The following NRXN3 variants were observed in gnomAD, a reference collection of about 807,000 sequenced individuals.
NRXN3 encodes neurexin 3, also known as neurexin III.
Under a neutral mutation model 137.6 loss-of-function variants are expected in NRXN3, and 32 were observed. The observed-to-expected ratio is 0.23, with a 90% CI of 0.18 to 0.31. NRXN3 has a LOEUF of 0.31. Among genes scored for constraint, NRXN3 ranks in the 10% least tolerant of loss-of-function variants. The pLI is 1.00. For missense variants in NRXN3, 1,574 were observed against 2,062.5 expected (o/e 0.76, Z 4.59); for synonymous variants, 798 against 784.5 (o/e 1.02, Z -0.29).
intron 15 of NRXN3, among the ~76,000 whole-genome samples, chr14:79,020,825 T>G (rs1251692800): frequency 2.6e-5 from 4 of 151,574 alleles, no homozygotes; most frequent in Admixed American, 2.6e-4. Context: ...TGAACCAATC[T>G]CTGTTTATGA....
intron 4 of NRXN3, among the ~76,000 whole-genome samples, chr14:78,497,582 TCATCCATCCATCCATCCATCCATCCATC>T (rs3036594): frequency 6.6e-6 from 1 of 150,792 alleles, no homozygotes; most frequent in Non-Finnish European, 1.5e-5. Flanking sequence ...GTCTGTCCAT[TCATCCATCCATCCATCCATCCATCCATC>T]CATCCATCCA....
intron 4 of NRXN3, among the ~76,000 whole-genome samples, chr14:78,359,823 C>T (rs1386372898): frequency 2.0e-5 from 3 of 152,108 alleles, no homozygotes; most frequent in South Asian, 2.1e-4. Flanking sequence ...TCTATCTAGG[C>T]GGGTCTCTCT....
At chr14:78,544,532 A>G (rs1472848981) in intron 4 of NRXN3, among the ~76,000 whole-genome samples, 1 of 152,218 alleles carries the variant, frequency 6.6e-6, no homozygotes, top group African/African-American at 2.4e-5. Flanking sequence ...GGGCTATTTT[A>G]TTCAATTCCC....
chr14:78,235,350 A>G (rs1225728947), intron 1 of NRXN3, among the ~76,000 whole-genome samples: 1 of 152,064 alleles, frequency 6.6e-6, no homozygotes, highest in African/African-American at 2.4e-5. Context: ...AGATGAGATC[A>G]GGCCTGACCT....
At chr14:78,437,035 C>T (rs1469594126) in intron 4 of NRXN3, among the ~76,000 whole-genome samples, 1 of 152,188 alleles carries the variant, frequency 6.6e-6, no homozygotes, top group African/African-American at 2.4e-5. Flanking sequence ...CCTTTCTATG[C>T]CTCAGTTTCC....
At chr14:78,953,196 A>T (rs756241528) in intron 10 of NRXN3, among the ~76,000 whole-genome samples, 13 of 152,102 alleles carry the variant, frequency 8.5e-5, no homozygotes, top group Non-Finnish European at 1.5e-4. Context: ...GATTTTTAAC[A>T]TACACTCTGA....
Position 78,243,921 on chromosome 14 carries a change from C to T in NRXN3, c.709+119C>T. 1.4e-6 allele frequency: 1 copy of T among 737,376 alleles called. No individual in the cohort carries two copies. Among genetic ancestry groups the T allele is most frequent in the African/African-American group, 1.8e-5 (1 of 57,016 alleles). The allele number at this position is 737,376 out of a possible 1,614,324, so 45.7% of individuals were successfully genotyped here. A position where few individuals can be genotyped will look rare whatever the true frequency, so the allele number is the denominator to read the frequency against. On this transcript the variant is annotated intron_variant, in intron 2 of 20. Coordinates refer to ENST00000335750, the MANE Select transcript of NRXN3 (RefSeq NM_001330195.2). This position sits in a 1 kb window ranked among gnomAD's most constrained non-coding sequence, Gnocchi z 4.2. ...TTTAGCTGCATGTTAGATCACTGGG[C>T]CCCTTGCCCTAAGGAGGCAGTGGAA...
chr14:78,789,572 T>C (rs1313291974), intron 8 of NRXN3, among the ~76,000 whole-genome samples: 1 of 152,178 alleles, frequency 6.6e-6, no homozygotes, highest in African/African-American at 2.4e-5. Flanking sequence ...CTCCTGAACC[T>C]TGAATTTTCT....
rs528214567 is a variant in NRXN3, at chr14:79,384,103, C to T, written c.3263-83118C>T. Among the ~76,000 whole-genome samples the T allele has an allele frequency of 2.7e-4, 41 of 152,310 alleles. 1 individual carries two copies. The highest frequency in any genetic ancestry group is 8.2e-4 in the African/African-American group (34 of 41,576). ...GCCAGAAATTGTCAGGCACCTCCCC[C>T]ACTCCCACTTCTTATTTCTATGTGG... is the stretch of plus-strand genomic sequence containing the variant. On this transcript the variant is annotated intron_variant, in intron 15 of 20. Transcript: ENST00000335750.
chr14:78,439,061 G>C (rs2094159957), intron 4 of NRXN3, among the ~76,000 whole-genome samples: 2 of 152,120 alleles, frequency 1.3e-5, no homozygotes, highest in Non-Finnish European at 2.9e-5. Flanking sequence ...ACTTGCTTGA[G>C]GGGGAGACAT....
intron 15 of NRXN3, among the ~76,000 whole-genome samples, chr14:79,188,411 A>G (rs1297899714): frequency 1.3e-5 from 2 of 151,494 alleles, no homozygotes; most frequent in East Asian, 1.9e-4. Flanking sequence ...TTTTTTTAGA[A>G]TATACTGGAA....
intron 16 of NRXN3, among the ~76,000 whole-genome samples, chr14:79,531,239 C>A (rs576970697): frequency 1.3e-5 from 2 of 152,216 alleles, no homozygotes; most frequent in African/African-American, 4.8e-5. Context: ...ACAGATATGA[C>A]TGCCCCATGT....
intron 15 of NRXN3, among the ~76,000 whole-genome samples, chr14:79,147,913 C>T (rs1010477320): frequency 1.3e-5 from 2 of 152,084 alleles, no homozygotes; most frequent in South Asian, 2.1e-4. Flanking sequence ...CTTGCCACTG[C>T]GCTGAAAATG....
intron 19 of NRXN3, among the ~76,000 whole-genome samples, chr14:79,790,980 A>C (rs1214606641): frequency 6.6e-6 from 1 of 152,142 alleles, no homozygotes; most frequent in African/African-American, 2.4e-5. Context: ...ACCAGATCTC[A>C]TGTGAACTCA....
At chr14:78,988,245 T>C (rs1184177373) in intron 15 of NRXN3, 104 bp downstream of exon 15, 1 of 1,383,246 alleles carries the variant, frequency 7.2e-7, no homozygotes, top group Non-Finnish European at 1.0e-6. Context: ...GAAAGATTCA[T>C]AAGTAATTCT....
intron 8 of NRXN3, among the ~76,000 whole-genome samples, chr14:78,755,232 GC>G (rs531275480): frequency 6.9e-6 from 1 of 144,194 alleles, no homozygotes; most frequent in East Asian, 2.0e-4. Flanking sequence ...TTGCTATGTC[GC>G]CCAGACTGTT....
intron 4 of NRXN3, among the ~76,000 whole-genome samples, chr14:78,525,656 CTAAAT>C (rs964477597): frequency 6.6e-6 from 1 of 152,140 alleles, no homozygotes; most frequent in African/African-American, 2.4e-5. Context: ...TCAGATCCCT[CTAAAT>C]TAAAATACCC....
chr14:78,429,063 C>T (rs1478771828), intron 4 of NRXN3, among the ~76,000 whole-genome samples: 1 of 151,944 alleles, frequency 6.6e-6, no homozygotes, highest in Admixed American at 6.6e-5. Context: ...CAACCTCAGA[C>T]CAATAATTAC....
intron 15 of NRXN3, among the ~76,000 whole-genome samples, chr14:79,130,754 G>A (rs1465360602): frequency 6.6e-6 from 1 of 152,102 alleles, no homozygotes; most frequent in Non-Finnish European, 1.5e-5. Context: ...AGTTTTCCTG[G>A]ATAATATCCT....
Sources: gnomAD v4.1 joint callset for allele counts (sites outside exome capture counted in the v4.1 genomes callset) on GRCh38, gnomAD v4.1.1 for gene constraint, Gnocchi (gnomAD v3.1) non-coding constraint, MANE v1.5 for transcripts, NCBI Gene and HGNC (gene_info 2026-07-23, HGNC 2026-07-21) for gene names.